Variants in MGAM2 observed in about 807,000 individuals in gnomAD.
MGAM2 encodes maltase-glucoamylase 2 (putative).
In MGAM2, 98 loss-of-function variants were observed where a neutral mutation model predicts 96.1. The ratio of observed to expected loss-of-function variants is 1.02; its 90% CI spans 0.87 to 1.21. MGAM2 has a LOEUF of 1.21. Among genes scored for constraint, MGAM2 ranks in the 50% most tolerant of loss-of-function variants. The pLI, the probability that MGAM2 is intolerant of heterozygous loss-of-function variation, is 0.00. For missense variants in MGAM2, 2,055 were observed against 1,182.4 expected, an observed-to-expected ratio of 1.74 and a Z score of -10.82; for synonymous variants, 749 against 414.8, an observed-to-expected ratio of 1.81 and a Z score of -9.79.
At chr7:142,201,666 G>A (rs1298706865) in intron 45 of MGAM2, among the ~76,000 whole-genome samples, 1 of 152,168 alleles carries the variant, frequency 6.6e-6, no homozygotes, top group Non-Finnish European at 1.5e-5. Flanking sequence ...TACAATAGTT[G>A]CATCTGTATT....
chr7:142,207,450 G>A (rs1187381849), intron 45 of MGAM2, among the ~76,000 whole-genome samples: 1 of 151,700 alleles, frequency 6.6e-6, no homozygotes, highest in Non-Finnish European at 1.5e-5. Flanking sequence ...TTTTGAGACG[G>A]AGTCTCACTC....
chr7:142,177,045 T>C (rs1457597723), intron 32 of MGAM2, among the ~76,000 whole-genome samples: 1 of 152,206 alleles, frequency 6.6e-6, no homozygotes, highest in Non-Finnish European at 1.5e-5. Flanking sequence ...TGTGTACATA[T>C]GTAGGTTTGT....
At chr7:142,208,161 T>C (rs984134649) in intron 45 of MGAM2, 1 of 460,418 alleles carries the variant, frequency 2.2e-6, no homozygotes, top group Non-Finnish European at 4.4e-6. Context: ...TTTCAACCCA[T>C]GTCTACCTGA....
intron 22 of MGAM2, 37 bp downstream of exon 22, chr7:142,161,250 G>A (rs748075938): frequency 1.1e-5 from 8 of 699,932 alleles, no homozygotes; most frequent in Non-Finnish European, 2.1e-5. Context: ...GTGGATCACT[G>A]TGGTTCTCCC....
chr7:142,140,697 T>G, intron 10 of MGAM2, 105 bp from the exon 11 acceptor site: 3 of 570,628 alleles, frequency 5.3e-6, no homozygotes, highest in Non-Finnish European at 9.3e-6. Flanking sequence ...CCAGGATCAT[T>G]AGAAAATATG....
rs765565015 is a variant in MGAM2 at position 142,134,134 on chromosome 7, G to A, written c.729G>A (p.Arg243=). ...MTWKTWPIFT[R]DATPTEGMIN... ...GGAAGACTTGGCCCATCTTCACCCG[G>A]GACGCTACCCCCACCGAGGTGAGGT... Residue 243 remains arginine (R), a synonymous_variant, in exon 7 of 48, where the codon CGG becomes CGA. Transcript: ENST00000477922. The A allele has an allele frequency of 5.3e-6, 4 of 752,268 alleles. No individual in the cohort carries two copies. The highest frequency in any genetic ancestry group is 9.7e-6 in the Non-Finnish European group (4 of 411,214). 46.6% of individuals were successfully genotyped at this position (752,268 alleles called of 1,614,324 possible). A position where few individuals can be genotyped will look rare whatever the true frequency, so the allele number is the denominator to read the frequency against.
intron 22 of MGAM2, among the ~76,000 whole-genome samples, chr7:142,161,534 C>T (rs1051105679): frequency 4.6e-5 from 7 of 152,042 alleles, no homozygotes; most frequent in Non-Finnish European, 1.0e-4. Context: ...GAAAATACTG[C>T]TTTGGTTTGT....
chr7:142,164,331 G>A (rs557324331), intron 23 of MGAM2, among the ~76,000 whole-genome samples: 2 of 152,238 alleles, frequency 1.3e-5, no homozygotes, highest in Admixed American at 6.5e-5. Context: ...TCTGAAAAAC[G>A]AGGGTAATTA....
intron 45 of MGAM2, among the ~76,000 whole-genome samples, chr7:142,207,487 G>A (rs528007122): frequency 0.01 from 1,552 of 151,906 alleles, 30 homozygotes; most frequent in African/African-American, 0.035. Flanking sequence ...GTGCAGTGGC[G>A]CGATCTTGGC....
In MGAM2 at chr7:142,130,982, C is replaced by T. The variant is rs755501667; in HGVS notation, c.221C>T (p.Ser74Leu). The change falls in exon 4 of 48, where the codon TCG (serine) becomes TTG (leucine). Residue 74 changes from serine (S) to leucine (L), a missense_variant. Physicochemically the swap from Ser to Leu is moderately radical, Grantham distance 145. Coordinates refer to ENST00000477922, the MANE Select transcript of MGAM2 (RefSeq NM_001293626.2). ...ICRWQYKCCW[S>L]PVADANVPRC... ...AGATGGCAATATAAGTGCTGCTGGT[C>T]GCCTGTGGCAGATGCCAATGTCCCT... 99 of 702,702 alleles carry T rather than the reference C, an allele frequency of 1.4e-4. No homozygotes were observed. The African/African-American group carries it at 1.4e-3, about 10-fold the overall frequency. The allele number at this position is 702,702 out of a possible 1,614,324, so 43.5% of individuals were successfully genotyped here. A position where few individuals can be genotyped will look rare whatever the true frequency, so the allele number is the denominator to read the frequency against.
intron 3 of MGAM2, 126 bp downstream of exon 3, chr7:142,120,507 T>C: frequency 1.8e-6 from 1 of 552,204 alleles, no homozygotes; most frequent in Non-Finnish European, 3.2e-6. Context: ...AGTTCTTTCT[T>C]TCTTATCTTA....
intron 10 of MGAM2, among the ~76,000 whole-genome samples, chr7:142,139,457 C>T (rs112888066): frequency 5.9e-5 from 9 of 151,778 alleles, no homozygotes; most frequent in Non-Finnish European, 5.9e-5. Flanking sequence ...GTCAGGAGTT[C>T]GGACTAGCCT....
At chr7:142,190,470 CG>C (rs1392835089) in intron 37 of MGAM2, among the ~76,000 whole-genome samples, 1 of 151,824 alleles carries the variant, frequency 6.6e-6, no homozygotes, top group Non-Finnish European at 1.5e-5. Flanking sequence ...AGACGGGTTT[CG>C]CCATGTTGGC....
Position 142,120,371 on chromosome 7 carries a change from A to G in MGAM2, c.176A>G (p.Glu59Gly), listed in dbSNP as rs1257340066. Residue 59 changes from glutamate to glycine, a missense_variant, in exon 3 of 48, where the codon GAG becomes GGG. By Grantham distance (98) the Glu-to-Gly change is moderately conservative. Coordinates refer to ENST00000477922, the MANE Select transcript of MGAM2 (RefSeq NM_001293626.2). ...SERIDCTPDQEVTEDICRWQY... is the reference protein window; with the variant it reads ...SERIDCTPDQGVTEDICRWQY... ...AGGATAGACTGCACACCTGACCAGG[A>G]GGTGACCGAGGTCAGAGAAATAAGG... 7.1e-6 allele frequency: 5 copies of G among 702,748 alleles called. No individual in the cohort carries two copies. Among genetic ancestry groups the G allele is most frequent in the Admixed American group, 4.0e-5 (2 of 49,996 alleles). 43.5% of individuals were successfully genotyped at this position (702,748 alleles called of 1,614,324 possible).
At chr7:142,130,802 GAATA>G (rs1460843650) in intron 3 of MGAM2, 142 bp from the exon 4 acceptor site, 1 of 582,690 alleles carries the variant, frequency 1.7e-6, no homozygotes, top group South Asian at 2.1e-5. Flanking sequence ...ATAGATTCAT[GAATA>G]AATAAAGAAC....
intron 45 of MGAM2, among the ~76,000 whole-genome samples, chr7:142,200,620 T>C (rs1405740751): frequency 6.6e-6 from 1 of 152,202 alleles, no homozygotes; most frequent in Non-Finnish European, 1.5e-5. Flanking sequence ...CACTACTTAT[T>C]ACTGTGGACC....
At chr7:142,184,993 G>A in intron 33 of MGAM2, 84 bp from the exon 34 acceptor site, 1 of 598,976 alleles carries the variant, frequency 1.7e-6, no homozygotes, top group Non-Finnish European at 3.0e-6. Flanking sequence ...GGAGATGCCT[G>A]TCATCAGAGT....
chr7:142,154,499 A>T (rs1022822715), intron 16 of MGAM2, among the ~76,000 whole-genome samples: 20 of 152,186 alleles, frequency 1.3e-4, no homozygotes, highest in African/African-American at 4.8e-4. Flanking sequence ...GGAACTGAAT[A>T]TTAAGGAACA....
chr7:142,220,944 G>A lies in MGAM2; in HGVS notation c.6433G>A (p.Val2145Ile), dbSNP rs913996346. ...STTINNISTP[V>I]QTNTTNASTS... ...TACTATTAATAATATAAGTACTCCTGTTCAAACAAATACTACTAATGCTAG... is the reference window on the plus strand; with the variant it reads ...TACTATTAATAATATAAGTACTCCTATTCAAACAAATACTACTAATGCTAG... The change falls in exon 48 of 48, where the codon GTT becomes ATT. Residue 2145 changes from valine to isoleucine, a missense_variant. Coordinates refer to ENST00000477922, the MANE Select transcript of MGAM2 (RefSeq NM_001293626.2). 1.4e-6 allele frequency: 1 copy of A among 701,606 alleles called. No individual in the cohort carries two copies. Among genetic ancestry groups the A allele is most frequent in the Non-Finnish European group, 2.6e-6 (1 of 384,596 alleles). 43.5% of individuals were successfully genotyped at this position (701,606 alleles called of 1,614,324 possible).
Sources: allele counts gnomAD v4.1 joint callset (sites outside exome capture counted in the v4.1 genomes callset), GRCh38; gene constraint gnomAD v4.1.1; transcripts MANE v1.5; gene names NCBI Gene and HGNC (gene_info 2026-07-23, HGNC 2026-07-21).